Variants in IVL observed in about 807,000 individuals in gnomAD.
The protein encoded by IVL is involucrin.
For synonymous variants in IVL, 257 were observed against 271.0 expected (o/e 0.95, Z 0.51); for missense variants, 722 against 624.9 (o/e 1.16, Z -1.66).
rs904542233 is a variant in IVL, at chr1:152,910,945, C to G, written c.1148C>G (p.Pro383Arg). The change falls in exon 2 of 2, where the codon CCA becomes CGA. Residue 383 changes from proline (P) to arginine (R), a missense_variant. By Grantham distance (103) the Pro-to-Arg change is moderately radical. Transcript: ENST00000368764. Reference protein sequence around the residue: ...LKQLEKQQGQPKHLEEEEGQL... With the variant: ...LKQLEKQQGQRKHLEEEEGQL... ...CAGCTAGAGAAGCAGCAGGGGCAGC[C>G]AAAGCACCTGGAGGAGGAGGAGGGG... 3 of 1,541,986 alleles carry G rather than the reference C, an allele frequency of 1.9e-6. No individual in the cohort carries two copies. The highest frequency in any genetic ancestry group is 2.6e-6 in the Non-Finnish European group (3 of 1,144,478).
rs765290809 is a variant in IVL at position 152,910,107 on chromosome 1, C to T, written c.310C>T (p.Pro104Ser). 1 of 1,614,190 alleles carries T rather than the reference C, an allele frequency of 6.2e-7. No homozygotes were observed. Among genetic ancestry groups the T allele is most frequent in the African/African-American group, 1.3e-5 (1 of 75,048 alleles). Residue 104 changes from proline to serine, a missense_variant, in exon 2 of 2, where the codon CCA (proline) becomes TCA (serine). By Grantham distance (74) the Pro-to-Ser change is moderately conservative. Transcript: ENST00000368764. ...TGAGGAATATCAGAAAGCAGAAAAC[C>T]CAGAGCAGCAGCTTAAGCAGGAGAA... ...QHEEYQKAEN[P>S]EQQLKQEKTQ...
chr1:152,910,697 G>A lies in IVL; in HGVS notation c.900G>A (p.Glu300=). ...AGCTGAAGCACCTGGATCAGCAGGA[G>A]AAGCAGCCAGAGCTCCCAGAGCAGC... ...EGQLKHLDQQ[E]KQPELPEQQM... Residue 300 remains glutamate (E), a synonymous_variant, in exon 2 of 2, where the codon GAG becomes GAA. Transcript: ENST00000368764. 1 of 1,549,398 alleles carries A rather than the reference G, an allele frequency of 6.5e-7. No homozygotes were observed. Among genetic ancestry groups the A allele is most frequent in the South Asian group, 1.2e-5 (1 of 83,864 alleles).
In IVL at chr1:152,909,945, G is replaced by A. The variant is rs767807714; in HGVS notation, c.148G>A (p.Glu50Lys). Residue 50 changes from glutamate to lysine, a missense_variant, in exon 2 of 2, where the codon GAG becomes AAG. Coordinates refer to ENST00000368764, the MANE Select transcript of IVL (RefSeq NM_005547.4). ...LPPPCQKVPV[E>K]LPVEVPSKQE... ...TCCCCCATGCCAGAAGGTGCCTGTC[G>A]AGCTCCCAGTGGAGGTCCCATCAAA... 16 of 1,613,828 alleles carry A rather than the reference G, an allele frequency of 9.9e-6. No individual in the cohort carries two copies. The Admixed American group carries it at 1.0e-4, about 10-fold the overall frequency.
At position 152,909,947 on chromosome 1, in the gene IVL, G is replaced by T. The variant is rs910838819; in HGVS notation, c.150G>T (p.Glu50Asp). The T allele has an allele frequency of 1.4e-5, 22 of 1,614,174 alleles. No individual in the cohort carries two copies. Among genetic ancestry groups the T allele is most frequent in the Non-Finnish European group, 1.8e-5 (21 of 1,180,046 alleles). The change falls in exon 2 of 2, where the codon GAG (glutamate) becomes GAT (aspartate). Residue 50 changes from glutamate to aspartate, a missense_variant. Physicochemically the swap from Glu to Asp is conservative, Grantham distance 45 (BLOSUM62 2). Coordinates refer to ENST00000368764, the MANE Select transcript of IVL (RefSeq NM_005547.4). ...CCCCATGCCAGAAGGTGCCTGTCGA[G>T]CTCCCAGTGGAGGTCCCATCAAAGC... The part of the protein sequence containing the change: ...LPPPCQKVPV[E>D]LPVEVPSKQE...
intron 1 of IVL, among the ~76,000 whole-genome samples, chr1:152,909,576 C>T (rs1649876886): frequency 6.6e-6 from 1 of 152,054 alleles, no homozygotes; most frequent in Admixed American, 6.5e-5. Context: ...AAGGAGGCTC[C>T]TAGGAGGACC....
In IVL at chr1:152,910,923, C is replaced by G. The variant is rs942601960; in HGVS notation, c.1126C>G (p.Leu376Val). 6 of 1,550,388 alleles carry G rather than the reference C, an allele frequency of 3.9e-6. No individual in the cohort carries two copies. The African/African-American group carries it at 8.2e-5, about 21-fold the overall frequency. Reference protein sequence around the residue: ...PEQQVLQLKQLEKQQGQPKHL... With the variant: ...PEQQVLQLKQVEKQQGQPKHL... ...GCAGCAGGTGCTGCAGCTGAAGCAG[C>G]TAGAGAAGCAGCAGGGGCAGCCAAA... The change falls in exon 2 of 2, where the codon CTA becomes GTA. Residue 376 changes from leucine to valine, a missense_variant. Leu to Val is a conservative substitution (Grantham distance 32). Coordinates refer to ENST00000368764, the MANE Select transcript of IVL (RefSeq NM_005547.4).
rs972907388 is a variant in IVL, at chr1:152,910,847, G to C, written c.1050G>C (p.Glu350Asp). 6.4e-7 allele frequency: 1 copy of C among 1,551,642 alleles called. No homozygotes were observed. The highest frequency in any genetic ancestry group is 2.0e-5 in the Admixed American group (1 of 50,970). ...AGCTGAAGCACCTGGAGCAGCAGGA[G>C]GGGCAGCTGGAGCACCTGGAGCACC... ...EGQLKHLEQQEGQLEHLEHQE... is the reference protein window; with the variant it reads ...EGQLKHLEQQDGQLEHLEHQE... Residue 350 changes from glutamate (E) to aspartate (D), a missense_variant, in exon 2 of 2, where the codon GAG becomes GAC. Transcript: ENST00000368764.
Position 152,910,001 on chromosome 1 carries a change from G to T in IVL, c.204G>T (p.Lys68Asn). The change falls in exon 2 of 2, where the codon AAG (lysine) becomes AAT (asparagine). Residue 68 changes from lysine (K) to asparagine (N), a missense_variant. Lys to Asn is a moderately conservative substitution (Grantham distance 94). Transcript: ENST00000368764. ...AGGAAAAGCACATGACTGCTGTAAA[G>T]GGACTGCCTGAGCAAGAATGTGAGC... ...KQEEKHMTAV[K>N]GLPEQECEQQ... 1 of 1,614,208 alleles carries T rather than the reference G, an allele frequency of 6.2e-7. No individual in the cohort carries two copies. The highest frequency in any genetic ancestry group is 2.2e-5 in the East Asian group (1 of 44,886).
chr1:152,909,326 G>A (rs7539232), intron 1 of IVL, among the ~76,000 whole-genome samples: 40,700 of 152,042 alleles, frequency 0.27, 9,305 homozygotes, highest in African/African-American at 0.59. Flanking sequence ...GACCTCTTAG[G>A]TCCTCTCTGG....
chr1:152,910,908 C>A lies in IVL; in HGVS notation c.1111C>A (p.Leu371Met). The change falls in exon 2 of 2, where the codon CTG becomes ATG. Residue 371 changes from leucine (L) to methionine (M), a missense_variant. Leu to Met is a conservative substitution (Grantham distance 15). Coordinates refer to ENST00000368764, the MANE Select transcript of IVL (RefSeq NM_005547.4). ...GQLGLPEQQV[L>M]QLKQLEKQQG... ...GCTGGGGCTCCCAGAGCAGCAGGTGCTGCAGCTGAAGCAGCTAGAGAAGCA... is the reference window on the plus strand; with the variant it reads ...GCTGGGGCTCCCAGAGCAGCAGGTGATGCAGCTGAAGCAGCTAGAGAAGCA... 1.3e-6 allele frequency: 2 copies of A among 1,531,094 alleles called. No individual in the cohort carries two copies. Among genetic ancestry groups the A allele is most frequent in the African/African-American group, 1.5e-5 (1 of 65,732 alleles). 94.8% of individuals were successfully genotyped at this position (1,531,094 alleles called of 1,614,324 possible).
rs1649958351 is a variant in IVL, at chr1:152,910,853, GCTGGAGCAC to G, written c.1067_1075del (p.Leu356_His358del). ...AGCACCTGGAGCAGCAGGAGGGGCA[GCTGGAGCAC>G]CTGGAGCACCAGGAAGGGCAGCTGG... On this transcript the variant is annotated inframe_deletion, in exon 2 of 2. Transcript: ENST00000368764. 3 of 1,551,726 alleles carry G rather than the reference GCTGGAGCAC, an allele frequency of 1.9e-6. No individual in the cohort carries two copies. The highest frequency in any genetic ancestry group is 1.2e-5 in the South Asian group (1 of 84,038).
In IVL at chr1:152,910,559, G is replaced by T; in HGVS notation, c.762G>T (p.Glu254Asp). Residue 254 changes from glutamate to aspartate, a missense_variant, in exon 2 of 2, where the codon GAG (glutamate) becomes GAT (aspartate). Glu to Asp is a conservative substitution (Grantham distance 45, BLOSUM62 2). Transcript: ENST00000368764. ...ELSEQQEGQL[E>D]LSEQQEGQLK... The stretch of plus-strand genomic sequence containing the variant: ...CTGAGCAGCAGGAGGGGCAGCTGGA[G>T]CTCTCTGAGCAGCAGGAGGGACAGC... 5 of 1,548,852 alleles carry T rather than the reference G, an allele frequency of 3.2e-6. No individual in the cohort carries two copies. The South Asian group carries it at 3.6e-5, about 11-fold the overall frequency.
rs1022745605 is a variant in IVL, at chr1:152,910,064, A to G, written c.267A>G (p.Gln89=). 7.4e-6 allele frequency: 12 copies of G among 1,614,178 alleles called. No homozygotes were observed. Among genetic ancestry groups the G allele is most frequent in the Middle Eastern group, 1.6e-4 (1 of 6,062 alleles). Residue 89 remains glutamine (Q), a synonymous_variant, in exon 2 of 2, where the codon CAA becomes CAG. Transcript: ENST00000368764. ...QKEPQEQELQ[Q]QHWEQHEEYQ... ...AGCCACAGGAGCAGGAGCTGCAGCA[A>G]CAGCACTGGGAACAGCATGAGGAAT...
rs756949313 is a variant in IVL at position 152,910,198 on chromosome 1, T to A, written c.401T>A (p.Leu134Gln). ...GAGAAGAAGCTCTTAGACCAGCAAC[T>A]GGATCAAGAGCTAGTCAAGAGAGAT... is the stretch of plus-strand genomic sequence containing the variant. ...EEEKKLLDQQ[L>Q]DQELVKRDEQ... The change falls in exon 2 of 2, where the codon CTG becomes CAG. Residue 134 changes from leucine (L) to glutamine (Q), a missense_variant. Physicochemically the swap from Leu to Gln is moderately radical, Grantham distance 113 (BLOSUM62 -2). Coordinates refer to ENST00000368764, the MANE Select transcript of IVL (RefSeq NM_005547.4). 3.7e-6 allele frequency: 6 copies of A among 1,614,032 alleles called. No individual in the cohort carries two copies. The highest frequency in any genetic ancestry group is 5.1e-6 in the Non-Finnish European group (6 of 1,180,008).
Position 152,909,824 on chromosome 1 carries a change from G to A in IVL, c.27G>A (p.Val9=), listed in dbSNP as rs147448941. 195 of 1,613,562 alleles carry A rather than the reference G, an allele frequency of 1.2e-4. 1 individual carries two copies. Among genetic ancestry groups the A allele is most frequent in the Admixed American group, 3.8e-4 (23 of 59,972 alleles). MSQQHTLP[V]TLSPALSQEL... ...TGTCCCAGCAACACACACTGCCAGT[G>A]ACCCTCTCCCCTGCCCTCAGTCAGG... Residue 9 remains valine (V), a synonymous_variant, in exon 2 of 2, where the codon GTG becomes GTA. Coordinates refer to ENST00000368764, the MANE Select transcript of IVL (RefSeq NM_005547.4).
rs147769556 is a variant in IVL at position 152,911,311 on chromosome 1, A to G, written c.1514A>G (p.Gln505Arg). The G allele has an allele frequency of 2.0e-4, 312 of 1,574,834 alleles. No homozygotes were observed. Among genetic ancestry groups the G allele is most frequent in the Non-Finnish European group, 1.6e-5 (18 of 1,160,240 alleles). The change falls in exon 2 of 2, where the codon CAG becomes CGG. Residue 505 changes from glutamine (Q) to arginine (R), a missense_variant. Transcript: ENST00000368764. ...QQVGQPKHLE[Q>R]QEKHLEHPEQ... The stretch of plus-strand genomic sequence containing the variant: ...GTAGGACAGCCAAAGCACCTGGAAC[A>G]GCAGGAAAAGCACCTAGAGCACCCA...
At position 152,911,404 on chromosome 1, in the gene IVL, A is replaced by G. The variant is rs2101500308; in HGVS notation, c.1607A>G (p.Gln536Arg). Residue 536 changes from glutamine (Q) to arginine (R), a missense_variant, in exon 2 of 2, where the codon CAG becomes CGG. Gln to Arg is a conservative substitution (Grantham distance 43, BLOSUM62 1). Transcript: ENST00000368764. Reference protein sequence around the residue: ...QEGQLKDLEQQKGQLEQPVFA... With the variant: ...QEGQLKDLEQRKGQLEQPVFA... The stretch of plus-strand genomic sequence containing the variant: ...GGGCAGCTGAAGGACCTGGAGCAGC[A>G]GAAGGGGCAGCTGGAGCAGCCTGTG... 6.2e-7 allele frequency: 1 copy of G among 1,614,028 alleles called. No individual in the cohort carries two copies. The highest frequency in any genetic ancestry group is 8.5e-7 in the Non-Finnish European group (1 of 1,179,904).
chr1:152,910,785 G>A lies in IVL; in HGVS notation c.988G>A (p.Glu330Lys). The change falls in exon 2 of 2, where the codon GAG becomes AAG. Residue 330 changes from glutamate to lysine, a missense_variant. Coordinates refer to ENST00000368764, the MANE Select transcript of IVL (RefSeq NM_005547.4). ...EGQPKHLEQQEGQLEQLEEQE... is the reference protein window; with the variant it reads ...EGQPKHLEQQKGQLEQLEEQE... Reference sequence around the variant, plus strand: ...GCAGCCTAAGCATCTGGAGCAGCAGGAGGGGCAACTGGAGCAGCTGGAGGA... The same window carrying A: ...GCAGCCTAAGCATCTGGAGCAGCAGAAGGGGCAACTGGAGCAGCTGGAGGA... The A allele has an allele frequency of 1.9e-6, 3 of 1,550,662 alleles. No homozygotes were observed. Among genetic ancestry groups the A allele is most frequent in the Non-Finnish European group, 2.6e-6 (3 of 1,146,872 alleles).
At position 152,911,756 on chromosome 1, in the gene IVL, A is replaced by T. The variant is rs1650008776; in HGVS notation, c.*201A>T. ...GCCAACCCCAATGACCCCAATCCCAACCTCAGGTGAGCAGAGCCTCTACTT... is the reference window on the plus strand; with the variant it reads ...GCCAACCCCAATGACCCCAATCCCATCCTCAGGTGAGCAGAGCCTCTACTT... On this transcript the variant is annotated 3_prime_UTR_variant, in exon 2 of 2. Transcript: ENST00000368764. 1.7e-6 allele frequency: 1 copy of T among 592,932 alleles called. No individual in the cohort carries two copies. The highest frequency in any genetic ancestry group is 1.9e-5 in the African/African-American group (1 of 53,554). 36.7% of individuals were successfully genotyped at this position (592,932 alleles called of 1,614,324 possible). A position where few individuals can be genotyped will look rare whatever the true frequency, so the allele number is the denominator to read the frequency against.
Sources: gnomAD v4.1 joint callset for allele counts (sites outside exome capture counted in the v4.1 genomes callset) on GRCh38, gnomAD v4.1.1 for gene constraint, MANE v1.5 for transcripts, NCBI Gene and HGNC (gene_info 2026-07-23, HGNC 2026-07-21) for gene names.